CLCN6: variants seen among roughly 807,000 people sequenced by gnomAD.
CLCN6 encodes the protein H(+)/Cl(-) exchange transporter 6.
A neutral mutation model predicts 109.8 loss-of-function variants in CLCN6; 70 were observed. The ratio of observed to expected loss-of-function variants is 0.64; its 90% CI spans 0.53 to 0.78. CLCN6 has a LOEUF of 0.78. Among genes scored for constraint, CLCN6 ranks in the 30% least tolerant of loss-of-function variants. CLCN6 has a pLI of 0.00. For synonymous variants in CLCN6, 444 were observed against 447.8 expected (o/e 0.99, Z 0.11); for missense variants, 984 against 1,142.3 (o/e 0.86, Z 2.00).
chr1:11,828,023 C>T, intron 10 of CLCN6, 83 bp from the exon 11 acceptor site: 1 of 982,446 alleles, frequency 1.0e-6, no homozygotes, highest in Non-Finnish European at 1.6e-6. Flanking sequence ...CTGCGTAGAG[C>T]AGTGGGTACC....
chr1:11,837,552 G>C (rs1644966427), intron 20 of CLCN6, 53 bp downstream of exon 20: 1 of 1,578,670 alleles, frequency 6.3e-7, no homozygotes, highest in East Asian at 2.3e-5. Flanking sequence ...GAAGCTCGAG[G>C]GGTTGGGCGC....
At chr1:11,836,513 G>A (rs1644952082) in intron 18 of CLCN6, among the ~76,000 whole-genome samples, 1 of 152,180 alleles carries the variant, frequency 6.6e-6, no homozygotes, top group African/African-American at 2.4e-5. Context: ...GGAAAGCTCA[G>A]GACAGCTGGG....
At chr1:11,806,955 T>C in intron 1 of CLCN6, 176 bp from the exon 2 acceptor site, 1 of 614,616 alleles carries the variant, frequency 1.6e-6, no homozygotes, top group Non-Finnish European at 2.9e-6. Context: ...AGCTGATGGC[T>C]GTAGATCCTC....
At position 11,834,650 on chromosome 1, in the gene CLCN6, G is replaced by C; in HGVS notation, c.1793+60G>C. 1 of 1,387,558 alleles carries C rather than the reference G, an allele frequency of 7.2e-7. No individual in the cohort carries two copies. The highest frequency in any genetic ancestry group is 1.0e-6 in the Non-Finnish European group (1 of 981,658). The allele number at this position is 1,387,558 out of a possible 1,614,324, so 86.0% of individuals were successfully genotyped here. Reference sequence around the variant, plus strand: ...GAATGTATAAGCTCTGAGGCCTAAGGAATGTTGTTATTAGGGTAGGAAACA... The same window carrying C: ...GAATGTATAAGCTCTGAGGCCTAAGCAATGTTGTTATTAGGGTAGGAAACA... On this transcript the variant is annotated intron_variant, in intron 17 of 22. Transcript: ENST00000346436. This position sits in a 1 kb window ranked among gnomAD's most constrained non-coding sequence, Gnocchi z 4.5.
At chr1:11,832,239 C>A (rs1197653937) in intron 13 of CLCN6, among the ~76,000 whole-genome samples, 1 of 152,182 alleles carries the variant, frequency 6.6e-6, no homozygotes, top group African/African-American at 2.4e-5. Flanking sequence ...AGGAAACTCA[C>A]AAAATGAAAT....
At chr1:11,835,017 C>T (rs1644926798) in intron 17 of CLCN6, among the ~76,000 whole-genome samples, 1 of 152,198 alleles carries the variant, frequency 6.6e-6, no homozygotes, top group African/African-American at 2.4e-5. Context: ...ACCTGCTAAT[C>T]CACAGGTACC....
chr1:11,808,581 CAT>C (rs1467660378), intron 2 of CLCN6, among the ~76,000 whole-genome samples: 1 of 151,996 alleles, frequency 6.6e-6, no homozygotes, highest in Admixed American at 6.6e-5. Context: ...TTGTAAATGT[CAT>C]ATGTATTTTA....
intron 5 of CLCN6, among the ~76,000 whole-genome samples, chr1:11,822,161 T>A (rs1295472348): frequency 6.6e-6 from 1 of 152,154 alleles, no homozygotes; most frequent in Admixed American, 6.5e-5. Flanking sequence ...ATATGGCATG[T>A]TGTTGAGATT....
intron 13 of CLCN6, among the ~76,000 whole-genome samples, chr1:11,830,743 A>T (rs1278122604): frequency 7.0e-5 from 7 of 100,640 alleles, no homozygotes; most frequent in African/African-American, 1.6e-4. Flanking sequence ...TATATTATAT[A>T]TATATATATA....
Position 11,816,694 on chromosome 1 carries a change from G to A in CLCN6, c.279+14G>A, listed in dbSNP as rs1644677151. On this transcript the variant is annotated intron_variant, in intron 4 of 22. Transcript: ENST00000346436. ...TGCACTGGCCTGGTGAGGAGGCAGG[G>A]CCTGGAGGGATGGTGGGCCATAGGG... 5 of 1,609,104 alleles carry A rather than the reference G, an allele frequency of 3.1e-6. No individual in the cohort carries two copies. Among genetic ancestry groups the A allele is most frequent in the Non-Finnish European group, 3.4e-6 (4 of 1,177,302 alleles).
In CLCN6 at chr1:11,834,386, C is replaced by A; in HGVS notation, c.1677C>A (p.Val559=). ...NEITYGLPIM[V]TLMVAKWTGD... ...TCACCTACGGGCTCCCCATCATGGT[C>A]ACACTGATGGTGAGCACACTCCCTC... The change falls in exon 16 of 23, where the codon GTC becomes GTA. Residue 559 remains valine, a synonymous_variant. Coordinates refer to ENST00000346436, the MANE Select transcript of CLCN6 (RefSeq NM_001286.5). This position sits in a 1 kb window ranked among gnomAD's most constrained non-coding sequence, Gnocchi z 4.5. 1 of 1,613,956 alleles carries A rather than the reference C, an allele frequency of 6.2e-7. No individual in the cohort carries two copies. Among genetic ancestry groups the A allele is most frequent in the South Asian group, 1.1e-5 (1 of 91,040 alleles).
rs187426970 is a variant in CLCN6, at chr1:11,813,064, A to G, written c.148-2782A>G. Among the ~76,000 whole-genome samples the G allele has an allele frequency of 2.4e-3, 368 of 152,278 alleles. 3 individuals carry two copies. The highest frequency in any genetic ancestry group is 8.3e-3 in the African/African-American group (345 of 41,574). ...TGCTTCCCAGATCCATTCATTCCCC[A>G]CTAAGAATTATTTCCTCCCACATCC... is the stretch of plus-strand genomic sequence containing the variant. On this transcript the variant is annotated intron_variant, in intron 2 of 22. Coordinates refer to ENST00000346436, the MANE Select transcript of CLCN6 (RefSeq NM_001286.5).
chr1:11,810,580 C>A (rs1347278015), intron 2 of CLCN6, among the ~76,000 whole-genome samples: 1 of 152,220 alleles, frequency 6.6e-6, no homozygotes, highest in Non-Finnish European at 1.5e-5. Context: ...CCCCCTGTAA[C>A]AGCCCTGCAA....
At chr1:11,818,340 C>T (rs1389418503) in intron 4 of CLCN6, among the ~76,000 whole-genome samples, 1 of 152,074 alleles carries the variant, frequency 6.6e-6, no homozygotes, top group Non-Finnish European at 1.5e-5. Context: ...ACACGATTCT[C>T]AGGAAATACT....
At chr1:11,825,426 T>C (rs1287639366) in intron 8 of CLCN6, among the ~76,000 whole-genome samples, 1 of 152,218 alleles carries the variant, frequency 6.6e-6, no homozygotes, top group Non-Finnish European at 1.5e-5. Context: ...CTTCTCTTCC[T>C]GGCGCTGCTG....
rs772447262 is a variant in CLCN6, at chr1:11,824,466, TC to T, written c.581-18del. The T allele has an allele frequency of 6.2e-7, 1 of 1,609,300 alleles. No individual in the cohort carries two copies. Among genetic ancestry groups the T allele is most frequent in the Non-Finnish European group, 8.5e-7 (1 of 1,177,082 alleles). On this transcript the variant is annotated intron_variant, in intron 7 of 22. Coordinates refer to ENST00000346436, the MANE Select transcript of CLCN6 (RefSeq NM_001286.5). ...CGTTTCTGCACTGACTGTTGGTCTT[TC>T]CTTTTTCACCCTGCCCAGGGCTCTT...
intron 1 of CLCN6, 138 bp from the exon 2 acceptor site, chr1:11,806,993 G>GT (rs938466244): frequency 1.4e-4 from 105 of 730,858 alleles, no homozygotes; most frequent in Non-Finnish European, 1.8e-4. Flanking sequence ...CCCCTGAAAG[G>GT]TTTTTTTTGA....
chr1:11,838,257 ATCAAGGGGAGGGGC>A, intron 20 of CLCN6, 64 bp from the exon 21 acceptor site: 1 of 1,307,478 alleles, frequency 7.6e-7, no homozygotes, highest in South Asian at 1.2e-5. Flanking sequence ...ATATTCAGGC[ATCAAGGGGAGGGGC>A]TCTAAGGTGA....
intron 2 of CLCN6, among the ~76,000 whole-genome samples, chr1:11,812,476 G>A (rs1369648524): frequency 2.0e-5 from 3 of 152,206 alleles, no homozygotes; most frequent in East Asian, 3.9e-4. Flanking sequence ...CCAGCCCTTG[G>A]TGATCAGCTT....
Sources: allele counts gnomAD v4.1 joint callset (sites outside exome capture counted in the v4.1 genomes callset), GRCh38; gene constraint gnomAD v4.1.1; non-coding constraint Gnocchi (gnomAD v3.1); transcripts MANE v1.5; gene names NCBI Gene and HGNC (gene_info 2026-07-23, HGNC 2026-07-21).